CSMD3: variants seen among roughly 807,000 people sequenced by gnomAD.
The protein encoded by CSMD3 is CUB and sushi domain-containing protein 3.
Under a neutral mutation model 435.2 loss-of-function variants are expected in CSMD3, and 177 were observed. That is an observed-to-expected ratio of 0.41 (90% CI 0.36 to 0.46). The LOEUF is 0.46. Ranked by LOEUF, CSMD3 falls within the 20% of genes least tolerant of loss-of-function variation. The pLI, the probability that CSMD3 is intolerant of heterozygous loss-of-function variation, is 0.34. For missense variants in CSMD3, 4,265 were observed against 4,504.6 expected (o/e 0.95, Z 1.52); for synonymous variants, 1,656 against 1,520.5 (o/e 1.09, Z -2.07).
chr8:112,715,999 C>T, intron 13 of CSMD3, among the ~76,000 whole-genome samples: 1 of 152,166 alleles, frequency 6.6e-6, no homozygotes, highest in East Asian at 1.9e-4. Flanking sequence ...GAATCATTCC[C>T]TTTGAAAACT....
chr8:113,074,876 T>G (rs941603299), intron 5 of CSMD3, among the ~76,000 whole-genome samples: 1 of 151,838 alleles, frequency 6.6e-6, no homozygotes, highest in Non-Finnish European at 1.5e-5. Flanking sequence ...TATTTTATAA[T>G]GGAAAACTAT....
intron 12 of CSMD3, among the ~76,000 whole-genome samples, chr8:112,828,116 G>A (rs1450829579): frequency 6.6e-6 from 1 of 152,044 alleles, no homozygotes; most frequent in African/African-American, 2.4e-5. Context: ...AAGCTATCAG[G>A]TATAAAACTA....
At chr8:113,344,329 T>C (rs961823594) in intron 1 of CSMD3, among the ~76,000 whole-genome samples, 1 of 152,114 alleles carries the variant, frequency 6.6e-6, no homozygotes, top group Non-Finnish European at 1.5e-5. Context: ...CACATCTGTT[T>C]TTTTCTTTCC....
chr8:112,443,261 A>G (rs780884017), intron 32 of CSMD3, among the ~76,000 whole-genome samples: 17 of 152,208 alleles, frequency 1.1e-4, no homozygotes, highest in Non-Finnish European at 2.4e-4. Flanking sequence ...TGATTCGTGA[A>G]CCTTACAGGT....
intron 32 of CSMD3, among the ~76,000 whole-genome samples, chr8:112,411,533 T>C (rs1028866969): frequency 1.3e-5 from 2 of 151,998 alleles, no homozygotes; most frequent in Admixed American, 6.6e-5. Flanking sequence ...ATCACTATAG[T>C]AAAGACAAAA....
chr8:112,314,645 T>G, intron 47 of CSMD3, 28 bp from the exon 48 acceptor site: 1 of 1,541,056 alleles, frequency 6.5e-7, no homozygotes, highest in Non-Finnish European at 9.0e-7. Flanking sequence ...CATTAAATAA[T>G]GCCAGTCTTT....
intron 27 of CSMD3, among the ~76,000 whole-genome samples, chr8:112,521,692 T>A (rs1824298173): frequency 6.6e-6 from 1 of 151,934 alleles, no homozygotes; most frequent in African/African-American, 2.4e-5. Flanking sequence ...TCAACTTTTT[T>A]CTGAGCTCTT....
At chr8:112,961,265 C>T (rs1359541551) in intron 7 of CSMD3, among the ~76,000 whole-genome samples, 1 of 151,700 alleles carries the variant, frequency 6.6e-6, no homozygotes, top group Admixed American at 6.6e-5. Context: ...AGGGATGATA[C>T]ACAAAATATA....
intron 20 of CSMD3, among the ~76,000 whole-genome samples, chr8:112,640,570 A>G (rs73702313): frequency 0.022 from 3,259 of 151,430 alleles, 116 homozygotes; most frequent in African/African-American, 0.075. Context: ...TTTTCAAATT[A>G]TTTTTCAAAA....
chr8:113,296,593 G>T (rs1222281480), intron 2 of CSMD3, among the ~76,000 whole-genome samples: 1 of 152,058 alleles, frequency 6.6e-6, no homozygotes, highest in Admixed American at 6.6e-5. Context: ...TAAAATATTT[G>T]TTGAAAGTAA....
intron 32 of CSMD3, among the ~76,000 whole-genome samples, chr8:112,465,478 G>C (rs1284900391): frequency 6.6e-6 from 1 of 152,044 alleles, no homozygotes; most frequent in Non-Finnish European, 1.5e-5. Context: ...GGCAGATCAT[G>C]TTCAACCAAA....
At chr8:113,297,762 TA>T (rs915233878) in intron 2 of CSMD3, among the ~76,000 whole-genome samples, 8 of 152,110 alleles carry the variant, frequency 5.3e-5, no homozygotes, top group Non-Finnish European at 1.2e-4. Flanking sequence ...ACTTTTTGTA[TA>T]TTTTTTGATA....
chr8:112,496,039 G>T (rs1288025520), intron 30 of CSMD3, among the ~76,000 whole-genome samples: 1 of 151,792 alleles, frequency 6.6e-6, no homozygotes, highest in Non-Finnish European at 1.5e-5. Context: ...GTGCGATCTC[G>T]GCTCACTGCA....
At chr8:112,703,857 A>G (rs766986781) in intron 13 of CSMD3, among the ~76,000 whole-genome samples, 2 of 152,132 alleles carry the variant, frequency 1.3e-5, no homozygotes, top group Non-Finnish European at 2.9e-5. Flanking sequence ...TTTGAGGAGG[A>G]AATCTATAAC....
intron 3 of CSMD3, among the ~76,000 whole-genome samples, chr8:113,174,294 A>G (rs967176220): frequency 3.9e-5 from 6 of 152,174 alleles, no homozygotes; most frequent in African/African-American, 1.4e-4. Flanking sequence ...TATTATCTTC[A>G]GTCCTTCAGT....
chr8:113,028,115 C>G (rs2086945352), intron 5 of CSMD3, among the ~76,000 whole-genome samples: 1 of 152,066 alleles, frequency 6.6e-6, no homozygotes, highest in Non-Finnish European at 1.5e-5. Flanking sequence ...CATATTGTCA[C>G]TTCATCTCTC....
intron 5 of CSMD3, among the ~76,000 whole-genome samples, chr8:113,040,650 G>A (rs992507363): frequency 6.6e-6 from 1 of 152,096 alleles, no homozygotes; most frequent in African/African-American, 2.4e-5. Context: ...TTGATTAGGT[G>A]GAGAGCACCA....
At chr8:112,534,277 C>G (rs963459649) in intron 27 of CSMD3, among the ~76,000 whole-genome samples, 1 of 151,250 alleles carries the variant, frequency 6.6e-6, no homozygotes, top group Non-Finnish European at 1.5e-5. Context: ...AGACCACTAG[C>G]AAGACTAATA....
rs1395499404 is a variant in CSMD3, at chr8:112,307,557, A to G, written c.7886-1365T>C. On this transcript the variant is annotated intron_variant, in intron 50 of 70. Coordinates refer to ENST00000297405, the MANE Select transcript of CSMD3 (RefSeq NM_198123.2). ...CTCTACCTTCCAAAGTACTGGGATT[A>G]CAGGCGTGAACCACTGCATCTGGCC... Among the ~76,000 whole-genome samples the G allele has an allele frequency of 2.6e-5, 4 of 152,258 alleles. No homozygotes were observed. In the East Asian group the frequency reaches 5.8e-4, roughly 22 times the overall value.
Sources: allele counts gnomAD v4.1 joint callset (sites outside exome capture counted in the v4.1 genomes callset), GRCh38; gene constraint gnomAD v4.1.1; transcripts MANE v1.5; gene names NCBI Gene and HGNC (gene_info 2026-07-23, HGNC 2026-07-21).